UTS2B: variants seen among roughly 807,000 people sequenced by gnomAD.
The protein encoded by UTS2B is urotensin-2B.
In UTS2B, 21 loss-of-function variants were observed where a neutral mutation model predicts 19.2. The ratio of observed to expected loss-of-function variants is 1.09; its 90% confidence interval spans 0.78 to 1.58. The LOEUF (loss-of-function observed/expected upper bound fraction) is 1.58, where lower values mean the gene tolerates loss of function less well. UTS2B is among the 40% of genes most tolerant of loss of function. The pLI, the probability that UTS2B is intolerant of heterozygous loss-of-function variation, is 0.00. For missense variants in UTS2B, 138 were observed against 130.3 expected (o/e 1.06, Z -0.29); for synonymous variants, 57 against 50.2 (o/e 1.14, Z -0.58).
At chr3:191,275,832 AAG>A (rs992655164) in intron 7 of UTS2B, among the ~76,000 whole-genome samples, 1 of 152,148 alleles carries the variant, frequency 6.6e-6, no homozygotes, top group African/African-American at 2.4e-5. Flanking sequence ...AAAAACAAAA[AAG>A]AGAGAAGAAA....
At chr3:191,336,629 A>G in the UTS2B span, among the ~76,000 whole-genome samples, 2 of 152,178 alleles carry the variant, frequency 1.3e-5, no homozygotes, top group Non-Finnish European at 2.9e-5. Context: ...TATCAGAATG[A>G]TATGGGGATC....
At chr3:191,272,415 C>G (rs1359933936) in intron 8 of UTS2B, among the ~76,000 whole-genome samples, 1 of 152,196 alleles carries the variant, frequency 6.6e-6, no homozygotes, top group Non-Finnish European at 1.5e-5. Context: ...GTGCCTAGAG[C>G]TCCTAGAAGA....
intron 3 of UTS2B, among the ~76,000 whole-genome samples, chr3:191,311,703 T>C (rs890656768): frequency 2.4e-4 from 36 of 152,368 alleles, no homozygotes; most frequent in Admixed American, 9.8e-4. Context: ...AGTGCCTTCG[T>C]CACCTGTGCA....
intron 8 of UTS2B, among the ~76,000 whole-genome samples, chr3:191,269,501 G>T (rs1439363185): frequency 2.8e-5 from 4 of 141,688 alleles, no homozygotes; most frequent in Non-Finnish European, 6.2e-5. Flanking sequence ...TTTTTTTCAG[G>T]TTTTTTTTTT....
At chr3:191,326,402 T>A (rs114282302) in intron 2 of UTS2B, among the ~76,000 whole-genome samples, 1 of 152,204 alleles carries the variant, frequency 6.6e-6, no homozygotes, top group Non-Finnish European at 1.5e-5. Flanking sequence ...GGAGTTTTCA[T>A]TTCTTATGAC....
chr3:191,291,651 A>G (rs1052521448), intron 4 of UTS2B, among the ~76,000 whole-genome samples: 33 of 152,026 alleles, frequency 2.2e-4, no homozygotes, highest in African/African-American at 7.0e-4. Flanking sequence ...ACAAGGTTTC[A>G]CCACGTTCAC....
At chr3:191,281,574 T>A (rs1351070017) in intron 5 of UTS2B, among the ~76,000 whole-genome samples, 1 of 151,626 alleles carries the variant, frequency 6.6e-6, no homozygotes, top group African/African-American at 2.4e-5. Context: ...AGCATTGCCC[T>A]CCTGAAACTG....
chr3:191,337,600 C>T, the UTS2B span, among the ~76,000 whole-genome samples: 1 of 151,962 alleles, frequency 6.6e-6, no homozygotes, highest in Non-Finnish European at 1.5e-5. Flanking sequence ...ATCTCGGCCT[C>T]CCAAAGTGCT....
intron 2 of UTS2B, among the ~76,000 whole-genome samples, chr3:191,326,260 G>A (rs1366283016): frequency 2.0e-5 from 3 of 151,790 alleles, no homozygotes; most frequent in Admixed American, 1.3e-4. Context: ...CCTATTATGT[G>A]CCAAGCACTT....
At chr3:191,326,048 G>A (rs1717736136) in intron 2 of UTS2B, among the ~76,000 whole-genome samples, 1 of 152,152 alleles carries the variant, frequency 6.6e-6, no homozygotes, top group African/African-American at 2.4e-5. Flanking sequence ...GATGAGCTAG[G>A]AAGCACTGGG....
intron 4 of UTS2B, among the ~76,000 whole-genome samples, chr3:191,291,640 G>C (rs569323016): frequency 6.6e-6 from 1 of 152,176 alleles, no homozygotes; most frequent in South Asian, 2.1e-4. Flanking sequence ...TTTTAGTGGA[G>C]ACAAGGTTTC....
In UTS2B at chr3:191,275,305, G is replaced by A; in HGVS notation, c.281C>T (p.Ser94Phe). ...ACCATCTACAGCATAGGACGTCTCA[G>A]AATCCTTCTCCTCCACTAGCTGTTC... ...LKEQLVEEKD[S>F]ETSYAVDGLF... Residue 94 changes from serine (S) to phenylalanine (F), a missense_variant, in exon 8 of 9, where the codon TCT (serine) becomes TTT (phenylalanine). Coordinates refer to ENST00000340524, the MANE Select transcript of UTS2B (RefSeq NM_198152.5). 2 of 1,613,754 alleles carry A rather than the reference G, an allele frequency of 1.2e-6. No homozygotes were observed. Among genetic ancestry groups the A allele is most frequent in the Non-Finnish European group, 8.5e-7 (1 of 1,179,756 alleles).
Position 191,270,042 on chromosome 3 carries a change from C to T in UTS2B, c.335-1601G>A, listed in dbSNP as rs145219997. Reference sequence around the variant, plus strand: ...AGGAGTTGGACAGCTATATTTGTAGCAGATGTCTATCAACAATATATTAAA... The same window carrying T: ...AGGAGTTGGACAGCTATATTTGTAGTAGATGTCTATCAACAATATATTAAA... On this transcript the variant is annotated intron_variant, in intron 8 of 8. Coordinates refer to ENST00000340524, the MANE Select transcript of UTS2B (RefSeq NM_198152.5). Among the ~76,000 whole-genome samples the T allele has an allele frequency of 6.4e-4, 98 of 152,340 alleles. 2 individuals carry two copies. The East Asian group carries it at 0.018, about 28-fold the overall frequency.
chr3:191,339,635 A>G, the UTS2B span, among the ~76,000 whole-genome samples: 1 of 152,200 alleles, frequency 6.6e-6, no homozygotes. Flanking sequence ...GATCTTCAAG[A>G]AGCTTTCTGA....
chr3:191,294,866 T>C (rs1716815477), intron 4 of UTS2B: 1 of 151,802 alleles, frequency 6.6e-6, no homozygotes, highest in African/African-American at 2.4e-5. Context: ...CCATCTCTAC[T>C]AAAAATACAA....
chr3:191,321,425 G>T (rs1717607944), intron 2 of UTS2B, among the ~76,000 whole-genome samples: 1 of 152,232 alleles, frequency 6.6e-6, no homozygotes, highest in Non-Finnish European at 1.5e-5. Flanking sequence ...TAGTAAAATT[G>T]TGGGTACTCA....
intron 8 of UTS2B, chr3:191,273,636 T>C: frequency 4.4e-6 from 2 of 455,800 alleles, no homozygotes; most frequent in East Asian, 1.4e-4. Flanking sequence ...ACACCATGCC[T>C]CTGAGATTTA....
At chr3:191,279,566 T>A (rs762669459) in intron 5 of UTS2B, among the ~76,000 whole-genome samples, 1 of 152,028 alleles carries the variant, frequency 6.6e-6, no homozygotes, top group Non-Finnish European at 1.5e-5. Flanking sequence ...AAGAGTAATG[T>A]AACTAGAAGA....
In UTS2B at chr3:191,321,501, G is replaced by A. The variant is rs532356958; in HGVS notation, c.-585-5062C>T. On this transcript the variant is annotated intron_variant, in intron 2 of 8. Transcript: ENST00000340524. ...ACTCTTATTTGGACAAGGTTTATGCGCCAAAGGAGCTTTTCAGCCTTTACT... is the reference window on the plus strand; with the variant it reads ...ACTCTTATTTGGACAAGGTTTATGCACCAAAGGAGCTTTTCAGCCTTTACT... 7.2e-5 allele frequency among the ~76,000 whole-genome samples: 11 copies of A among 152,272 alleles called. No homozygotes were observed. In the East Asian group the frequency reaches 1.7e-3, roughly 24 times the overall value.
Sources: allele counts gnomAD v4.1 joint callset (sites outside exome capture counted in the v4.1 genomes callset), GRCh38; gene constraint gnomAD v4.1.1; transcripts MANE v1.5; gene names NCBI Gene and HGNC (gene_info 2026-07-23, HGNC 2026-07-21).